The following DEFB114 variants were observed in gnomAD, a reference collection of about 807,000 sequenced individuals.
The protein encoded by DEFB114 is beta-defensin 114.
Under a neutral mutation model 2.4 loss-of-function variants are expected in DEFB114, and 4 were observed. The observed-to-expected ratio is 1.67, with a 90% confidence interval of 0.82 to 3.82. DEFB114 has a LOEUF of 3.82. Among genes scored for constraint, DEFB114 ranks in the 30% most tolerant of loss-of-function variants. DEFB114 has a pLI of 0.01. For missense variants in DEFB114, 113 were observed against 85.8 expected (o/e 1.32, Z -1.25); for synonymous variants, 35 against 24.6 (o/e 1.42, Z -1.26).
rs1243764469 is a variant in DEFB114, at chr6:49,963,036, T to C, written c.55+1015A>G. Among the ~76,000 whole-genome samples the C allele has an allele frequency of 2.7e-5, 4 of 150,282 alleles. No individual in the cohort carries two copies. In the East Asian group the frequency reaches 7.8e-4, roughly 29 times the overall value. On this transcript the variant is annotated intron_variant, in intron 1 of 1. Transcript: ENST00000322066. The stretch of plus-strand genomic sequence containing the variant: ...AATAATTAAGCTTCTATAGGGAAAA[T>C]ACCCAGCCCAGATAGGTTCACTGTT...
At chr6:49,960,860 C>T (rs933865785) in intron 1 of DEFB114, among the ~76,000 whole-genome samples, 1 of 150,592 alleles carries the variant, frequency 6.6e-6, no homozygotes, top group East Asian at 1.9e-4. Flanking sequence ...ATGATATATC[C>T]TTATGATAGT....
At chr6:49,963,978 T>C in intron 1 of DEFB114, 73 bp downstream of exon 1, 1 of 1,179,230 alleles carries the variant, frequency 8.5e-7, no homozygotes, top group South Asian at 1.4e-5. Flanking sequence ...ATTTGCATTC[T>C]ACAATTAATA....
At chr6:49,963,994 T>TTTC in intron 1 of DEFB114, 57 bp downstream of exon 1, 1 of 1,276,504 alleles carries the variant, frequency 7.8e-7, no homozygotes. Flanking sequence ...TAATAATTTA[T>TTTC]TATTTCTATT....
At chr6:49,961,488 C>A (rs1244579141) in intron 1 of DEFB114, among the ~76,000 whole-genome samples, 1 of 150,724 alleles carries the variant, frequency 6.6e-6, no homozygotes, top group Non-Finnish European at 1.5e-5. Context: ...GCTAAACTCA[C>A]AAACTCTAGA....
intron 1 of DEFB114, among the ~76,000 whole-genome samples, chr6:49,962,754 G>A (rs1421616123): frequency 7.3e-5 from 11 of 150,198 alleles, no homozygotes; most frequent in Non-Finnish European, 1.5e-4. Context: ...GTGGTAAGAG[G>A]CAATAGTCAA....
rs1773436686 is a variant in DEFB114 at position 49,960,362 on chromosome 6, A to G, written c.140T>C (p.Ile47Thr). ...KRDCLESEKQ[I>T]DICSLPRKIC... ...TTTTCTTGGTAAGGAACATATGTCT[A>G]TTTGCTTTTCACTCTCAAGACAGTC... is the stretch of plus-strand genomic sequence containing the variant. The change falls in exon 2 of 2, where the codon ATA becomes ACA. Residue 47 changes from isoleucine to threonine, a missense_variant. By Grantham distance (89) the Ile-to-Thr change is moderately conservative (BLOSUM62 -1). Coordinates refer to ENST00000322066, the MANE Select transcript of DEFB114 (RefSeq NM_001037499.2). 6.2e-7 allele frequency: 1 copy of G among 1,608,516 alleles called. No homozygotes were observed.
intron 1 of DEFB114, among the ~76,000 whole-genome samples, chr6:49,962,648 A>C (rs1773481607): frequency 6.7e-6 from 1 of 150,340 alleles, no homozygotes; most frequent in Non-Finnish European, 1.5e-5. Context: ...TGTATGTTAA[A>C]ATTGTTAGTA....
Position 49,960,422 on chromosome 6 carries a change from T to G in DEFB114, c.80A>C (p.Asp27Ala), listed in dbSNP as rs112543086. 3 of 1,604,288 alleles carry G rather than the reference T, an allele frequency of 1.9e-6. No homozygotes were observed. The highest frequency in any genetic ancestry group is 2.6e-6 in the Non-Finnish European group (3 of 1,174,842). The change falls in exon 2 of 2, where the codon GAT (aspartate) becomes GCT (alanine). Residue 27 changes from aspartate to alanine, a missense_variant. Physicochemically the swap from Asp to Ala is moderately radical, Grantham distance 126 (BLOSUM62 -2). Coordinates refer to ENST00000322066, the MANE Select transcript of DEFB114 (RefSeq NM_001037499.2). ...ACGACCGTAACGTTTGGTGCAACGA[T>G]CAGCATTCACCAAGGTACATGTGGC... The part of the protein sequence containing the change: ...LPATCTLVNA[D>A]RCTKRYGRCK...
At chr6:49,960,501 C>T in intron 1 of DEFB114, 55 bp from the exon 2 acceptor site, 7 of 1,521,088 alleles carry the variant, frequency 4.6e-6, no homozygotes, top group East Asian at 4.6e-5. Context: ...GCATATATTA[C>T]TTCTGATTTC....
At chr6:49,961,526 T>C (rs1262789499) in intron 1 of DEFB114, among the ~76,000 whole-genome samples, 1 of 150,874 alleles carries the variant, frequency 6.6e-6, no homozygotes, top group Non-Finnish European at 1.5e-5. Context: ...TTGCATTTTA[T>C]GAATATAGCT....
intron 1 of DEFB114, among the ~76,000 whole-genome samples, chr6:49,962,433 A>G (rs79100502): frequency 0.028 from 4,214 of 150,442 alleles, 76 homozygotes; most frequent in Non-Finnish European, 0.035. Flanking sequence ...TTGGTTTTCT[A>G]TTGGACAGTC....
intron 1 of DEFB114, among the ~76,000 whole-genome samples, chr6:49,961,789 C>T (rs1773464859): frequency 6.6e-6 from 1 of 150,688 alleles, no homozygotes; most frequent in African/African-American, 2.4e-5. Flanking sequence ...ATTCCTTTCA[C>T]TCTTTCAGTT....
intron 1 of DEFB114, among the ~76,000 whole-genome samples, chr6:49,963,353 AT>A (rs1354492076): frequency 6.7e-6 from 1 of 150,042 alleles, no homozygotes; most frequent in Non-Finnish European, 1.5e-5. Context: ...AGCTTTATTA[AT>A]TTTGTTAGTC....
At position 49,960,491 on chromosome 6, in the gene DEFB114, G is replaced by A. The variant is rs1168534844; in HGVS notation, c.56-45C>T. 5 of 1,543,552 alleles carry A rather than the reference G, an allele frequency of 3.2e-6. No individual in the cohort carries two copies. The African/African-American group carries it at 7.0e-5, about 22-fold the overall frequency. On this transcript the variant is annotated intron_variant, in intron 1 of 1. Transcript: ENST00000322066. ...ACAGAAATTCTAATCTTTTATTTAA[G>A]CATATATTACTTCTGATTTCATAGA...
intron 1 of DEFB114, among the ~76,000 whole-genome samples, chr6:49,961,533 A>G (rs1430684547): frequency 6.6e-6 from 1 of 150,886 alleles, no homozygotes; most frequent in Non-Finnish European, 1.5e-5. Context: ...TTATGAATAT[A>G]GCTATGGATT....
intron 1 of DEFB114, among the ~76,000 whole-genome samples, chr6:49,961,183 A>G (rs2113911871): frequency 6.6e-6 from 1 of 150,884 alleles, no homozygotes; most frequent in Non-Finnish European, 1.5e-5. Context: ...TACAAGATAC[A>G]TAAATATTCA....
At chr6:49,961,693 TTATTAA>T (rs1773463355) in intron 1 of DEFB114, among the ~76,000 whole-genome samples, 2 of 150,744 alleles carry the variant, frequency 1.3e-5, no homozygotes, top group African/African-American at 4.8e-5. Context: ...GCTAAGAGTG[TTATTAA>T]ACATTAAGGA....
chr6:49,960,289 T>A lies in DEFB114; in HGVS notation c.*3A>T, dbSNP rs767877397. The stretch of plus-strand genomic sequence containing the variant: ...TTCTTTGTTCAGAGGTATGCCTTTC[T>A]TTTCAAAACATATCATCTTCTTCAT... On this transcript the variant is annotated 3_prime_UTR_variant, in exon 2 of 2. Coordinates refer to ENST00000322066, the MANE Select transcript of DEFB114 (RefSeq NM_001037499.2). 6.2e-6 allele frequency: 10 copies of A among 1,600,082 alleles called. No homozygotes were observed. Among genetic ancestry groups the A allele is most frequent in the Non-Finnish European group, 8.5e-6 (10 of 1,172,684 alleles).
chr6:49,961,912 T>G (rs1185468216), intron 1 of DEFB114, among the ~76,000 whole-genome samples: 2 of 150,796 alleles, frequency 1.3e-5, no homozygotes, highest in Non-Finnish European at 3.0e-5. Context: ...TCACTCACAA[T>G]ATTGTATTTT....
Sources: allele counts gnomAD v4.1 joint callset (sites outside exome capture counted in the v4.1 genomes callset), GRCh38; gene constraint gnomAD v4.1.1; transcripts MANE v1.5; gene names NCBI Gene and HGNC (gene_info 2026-07-23, HGNC 2026-07-21).